The following CDYL2 variants were observed in gnomAD, a reference collection of about 807,000 sequenced individuals.
CDYL2 encodes chromodomain Y-like protein 2.
In CDYL2, 23 loss-of-function variants were observed where a neutral mutation model predicts 49.4. That is an observed-to-expected ratio of 0.47 (90% CI 0.34 to 0.66). The LOEUF is 0.66. CDYL2 is among the 30% of genes least tolerant of loss of function. CDYL2 has a pLI of 0.01. For missense variants in CDYL2, 678 were observed against 656.4 expected (o/e 1.03, Z -0.36); for synonymous variants, 360 against 268.8 (o/e 1.34, Z -3.32).
intron 1 of CDYL2, among the ~76,000 whole-genome samples, chr16:80,688,751 G>C (rs1910298717): frequency 1.3e-5 from 2 of 152,266 alleles, no homozygotes; most frequent in South Asian, 4.2e-4. Context: ...ACCTCAAACA[G>C]AACCTGAATT....
At chr16:80,639,675 C>T in intron 2 of CDYL2, 1 of 455,762 alleles carries the variant, frequency 2.2e-6, no homozygotes, top group Non-Finnish European at 4.4e-6. Context: ...CTCACAGGAC[C>T]CGGTTTTAAC....
chr16:80,793,636 A>T (rs1268000165), intron 1 of CDYL2, among the ~76,000 whole-genome samples: 5 of 152,198 alleles, frequency 3.3e-5, no homozygotes, highest in Non-Finnish European at 2.9e-5. Context: ...GATAATACAG[A>T]CATGGTCCCT....
chr16:80,598,505 G>A lies in CDYL2; in HGVS notation c.*5883C>T, dbSNP rs1012014993. On this transcript the variant is annotated 3_prime_UTR_variant, in exon 7 of 7. Transcript: ENST00000570137. Reference sequence around the variant, plus strand: ...TCTCACACCTAACAGGAATTAGAATGGGTCAATGAAGAACAAAAGGAGGCA... The same window carrying A: ...TCTCACACCTAACAGGAATTAGAATAGGTCAATGAAGAACAAAAGGAGGCA... The A allele has an allele frequency of 4.6e-5, 7 of 152,116 alleles. No individual in the cohort carries two copies. The highest frequency in any genetic ancestry group is 1.5e-5 in the Non-Finnish European group (1 of 68,020). The allele number at this position is 152,116 out of a possible 1,614,324, so 9.4% of individuals were successfully genotyped here. A position where few individuals can be genotyped will look rare whatever the true frequency, so the allele number is the denominator to read the frequency against.
At chr16:80,742,742 G>C (rs908532618) in intron 1 of CDYL2, among the ~76,000 whole-genome samples, 18 of 150,530 alleles carry the variant, frequency 1.2e-4, no homozygotes, top group African/African-American at 3.7e-4. Context: ...AGGTGGGTGA[G>C]TGAGTGGGTG....
At chr16:80,788,984 G>C (rs1384988355) in intron 1 of CDYL2, among the ~76,000 whole-genome samples, 1 of 152,022 alleles carries the variant, frequency 6.6e-6, no homozygotes, top group Non-Finnish European at 1.5e-5. Context: ...TCTCTCAAAA[G>C]AAGACATACA....
Position 80,679,141 on chromosome 16 carries a change from T to G in CDYL2, c.616+5397A>C, listed in dbSNP as rs568194274. Among the ~76,000 whole-genome samples the G allele has an allele frequency of 6.3e-3, 932 of 147,118 alleles. 15 individuals are homozygous for G. Among genetic ancestry groups the G allele is most frequent in the African/African-American group, 0.022 (877 of 40,080 alleles). ...GTGGGGGGAGGGGGGAGGGATAGCA[T>G]TGGGAGATATACCTAATGCTAGATG... is the stretch of plus-strand genomic sequence containing the variant. On this transcript the variant is annotated intron_variant, in intron 2 of 6. Coordinates refer to ENST00000570137, the MANE Select transcript of CDYL2 (RefSeq NM_152342.4).
chr16:80,763,262 A>C (rs1357780833), intron 1 of CDYL2, among the ~76,000 whole-genome samples: 1 of 1,674 alleles, frequency 6.0e-4, no homozygotes. Flanking sequence ...AACGAGAATC[A>C]ACTGTGGCTA....
intron 2 of CDYL2, among the ~76,000 whole-genome samples, chr16:80,635,121 A>C (rs1292828549): frequency 1.3e-5 from 2 of 152,258 alleles, no homozygotes; most frequent in Non-Finnish European, 1.5e-5. Flanking sequence ...ATTATACGCC[A>C]CAATCAGGTA....
Position 80,599,492 on chromosome 16 carries a change from G to A in CDYL2, c.*4896C>T, listed in dbSNP as rs576624597. On this transcript the variant is annotated 3_prime_UTR_variant, in exon 7 of 7. Coordinates refer to ENST00000570137, the MANE Select transcript of CDYL2 (RefSeq NM_152342.4). ...TAGACATATTCAGCTGATATGTTATGTTCTACATTTAGTTTGCCTTTGTCC... is the reference window on the plus strand; with the variant it reads ...TAGACATATTCAGCTGATATGTTATATTCTACATTTAGTTTGCCTTTGTCC... The A allele has an allele frequency of 5.9e-5, 9 of 152,294 alleles. No homozygotes were observed. In the South Asian group the frequency reaches 1.9e-3, roughly 32 times the overall value. 9.4% of individuals were successfully genotyped at this position (152,294 alleles called of 1,614,324 possible).
rs9922840 is a variant in CDYL2, at chr16:80,761,724, G to A, written c.24+42426C>T. On this transcript the variant is annotated intron_variant, in intron 1 of 6. Coordinates refer to ENST00000570137, the MANE Select transcript of CDYL2 (RefSeq NM_152342.4). Reference sequence around the variant, plus strand: ...TAAAACATATTTTGAGATTCAAAAGGTATATCTACATCTATTAAAATACAT... The same window carrying A: ...TAAAACATATTTTGAGATTCAAAAGATATATCTACATCTATTAAAATACAT... Among the ~76,000 whole-genome samples the A allele has an allele frequency of 2.8e-3, 428 of 152,092 alleles. 3 individuals are homozygous for A. Among genetic ancestry groups the A allele is most frequent in the African/African-American group, 9.7e-3 (402 of 41,440 alleles).
chr16:80,683,794 G>C (rs1910063632), intron 2 of CDYL2, among the ~76,000 whole-genome samples: 1 of 152,186 alleles, frequency 6.6e-6, no homozygotes, highest in Admixed American at 6.5e-5. Flanking sequence ...TCTATCATGT[G>C]AGGACACAGA....
At chr16:80,694,993 A>C (rs1910563901) in intron 1 of CDYL2, among the ~76,000 whole-genome samples, 1 of 152,274 alleles carries the variant, frequency 6.6e-6, no homozygotes, top group South Asian at 2.1e-4. Context: ...CCTGATAATA[A>C]GAGTAACCCA....
intron 1 of CDYL2, among the ~76,000 whole-genome samples, chr16:80,707,824 A>C (rs930920591): frequency 1.2e-4 from 19 of 152,206 alleles, no homozygotes; most frequent in African/African-American, 4.6e-4. Context: ...TGGTGCTTCA[A>C]GTGGCCTGTA....
At chr16:80,709,534 G>C (rs8048249) in intron 1 of CDYL2, among the ~76,000 whole-genome samples, 39,238 of 150,694 alleles carry the variant, frequency 0.26, 9,571 homozygotes, top group African/African-American at 0.64. Context: ...CTGCACCTAA[G>C]TAAACTGAGC....
intron 2 of CDYL2, among the ~76,000 whole-genome samples, chr16:80,664,663 T>G (rs1909186132): frequency 6.6e-6 from 1 of 152,196 alleles, no homozygotes; most frequent in African/African-American, 2.4e-5. Context: ...GTAGCTCTCT[T>G]CTGGCCTCCC....
At chr16:80,650,782 T>C (rs1294539532) in intron 2 of CDYL2, among the ~76,000 whole-genome samples, 3 of 152,104 alleles carry the variant, frequency 2.0e-5, no homozygotes, top group Non-Finnish European at 4.4e-5. Flanking sequence ...GGAGTACTAC[T>C]CAGCCATAAA....
At chr16:80,765,215 G>A (rs1375689304) in intron 1 of CDYL2, among the ~76,000 whole-genome samples, 1 of 147,156 alleles carries the variant, frequency 6.8e-6, no homozygotes, top group African/African-American at 2.5e-5. Context: ...AAAGCTAAAT[G>A]AATCTTGCAT....
chr16:80,783,230 G>C (rs967579996), intron 1 of CDYL2, among the ~76,000 whole-genome samples: 2 of 152,048 alleles, frequency 1.3e-5, no homozygotes, highest in African/African-American at 2.4e-5. Flanking sequence ...TTTCTCCAAA[G>C]AACACATACA....
intron 2 of CDYL2, among the ~76,000 whole-genome samples, chr16:80,679,043 A>G (rs969871178): frequency 4.8e-5 from 7 of 145,266 alleles, no homozygotes; most frequent in African/African-American, 7.7e-5. Context: ...ATTCTCACTC[A>G]TAGGTGGGAA....
Sources: gnomAD v4.1 joint callset for allele counts (sites outside exome capture counted in the v4.1 genomes callset) on GRCh38, gnomAD v4.1.1 for gene constraint, MANE v1.5 for transcripts, NCBI Gene and HGNC (gene_info 2026-07-23, HGNC 2026-07-21) for gene names.